Variants in GIN1 observed in about 807,000 individuals in gnomAD.
GIN1 encodes the protein gypsy retrotransposon integrase-like protein 1.
Under a neutral mutation model 51.4 loss-of-function variants are expected in GIN1, and 41 were observed. The ratio of observed to expected loss-of-function variants is 0.80; its 90% CI spans 0.62 to 1.04. The LOEUF (loss-of-function observed/expected upper bound fraction) is 1.04, where lower values mean the gene tolerates loss of function less well. GIN1 is among the 50% of genes least tolerant of loss of function. The pLI, the probability that GIN1 is intolerant of heterozygous loss-of-function variation, is 0.00. For synonymous variants in GIN1, 222 were observed against 206.5 expected (o/e 1.07, Z -0.64); for missense variants, 610 against 612.4 (o/e 1.00, Z 0.04).
At chr5:103,093,357 C>T (rs1787307580) in intron 7 of GIN1, among the ~76,000 whole-genome samples, 1 of 151,994 alleles carries the variant, frequency 6.6e-6, no homozygotes. Flanking sequence ...AGGACTCAAC[C>T]CACTATTGTT....
chr5:103,119,139 T>A (rs1403783110), intron 1 of GIN1, among the ~76,000 whole-genome samples: 1 of 152,184 alleles, frequency 6.6e-6, no homozygotes, highest in Non-Finnish European at 1.5e-5. Context: ...TTCAATAAAG[T>A]AAGGCAGTTA....
At chr5:103,096,497 C>T in intron 7 of GIN1, 44 bp downstream of exon 7, 1 of 1,357,672 alleles carries the variant, frequency 7.4e-7, no homozygotes. Context: ...AACTATTCTC[C>T]TTACCTAAAG....
Position 103,087,869 on chromosome 5 carries a change from C to A in GIN1, c.*29G>T, listed in dbSNP as rs782310658. 1.1e-6 allele frequency: 1 copy of A among 945,858 alleles called. No individual in the cohort carries two copies. Among genetic ancestry groups the A allele is most frequent in the Non-Finnish European group, 1.6e-6 (1 of 642,246 alleles). The allele number at this position is 945,858 out of a possible 1,614,324, so 58.6% of individuals were successfully genotyped here. A position where few individuals can be genotyped will look rare whatever the true frequency, so the allele number is the denominator to read the frequency against. ...TATCATTAAGAATTTATATTCTAAA[C>A]AAACAATTTAAATAAATTTTGGTAT... On this transcript the variant is annotated 3_prime_UTR_variant, in exon 8 of 8. Coordinates refer to ENST00000399004, the MANE Select transcript of GIN1 (RefSeq NM_017676.2).
chr5:103,099,980 T>C (rs1787523645), intron 4 of GIN1, among the ~76,000 whole-genome samples: 1 of 152,234 alleles, frequency 6.6e-6, no homozygotes, highest in Admixed American at 6.5e-5. Context: ...ATGCTTTCTG[T>C]GTAATAGTGA....
intron 1 of GIN1, among the ~76,000 whole-genome samples, chr5:103,109,688 A>C (rs570436516): frequency 6.6e-6 from 1 of 152,278 alleles, no homozygotes; most frequent in African/African-American, 2.4e-5. Context: ...TTATAAGACA[A>C]TCAGTTTGTT....
At chr5:103,114,898 A>C (rs1368346701) in intron 1 of GIN1, among the ~76,000 whole-genome samples, 8 of 152,178 alleles carry the variant, frequency 5.3e-5, no homozygotes, top group Admixed American at 5.2e-4. Flanking sequence ...AGAGAGGCTA[A>C]GTGATATAAG....
chr5:103,108,552 T>C lies in GIN1; in HGVS notation c.139+17A>G, dbSNP rs1787788821. On this transcript the variant is annotated intron_variant, in intron 2 of 7. Coordinates refer to ENST00000399004, the MANE Select transcript of GIN1 (RefSeq NM_017676.2). Reference sequence around the variant, plus strand: ...GAATCTACAACTCAATAATCAAAATTTGAACATTAATTTTACCTTTGAAGA... The same window carrying C: ...GAATCTACAACTCAATAATCAAAATCTGAACATTAATTTTACCTTTGAAGA... 9 of 1,545,708 alleles carry C rather than the reference T, an allele frequency of 5.8e-6. No individual in the cohort carries two copies. The highest frequency in any genetic ancestry group is 1.4e-5 in the African/African-American group (1 of 73,158).
chr5:103,117,754 T>G (rs924792435), intron 1 of GIN1, among the ~76,000 whole-genome samples: 1 of 152,088 alleles, frequency 6.6e-6, no homozygotes, highest in Non-Finnish European at 1.5e-5. Context: ...CTCACAGTAC[T>G]TCATGAAGTA....
chr5:103,115,047 T>C (rs1380548736), intron 1 of GIN1, among the ~76,000 whole-genome samples: 2 of 152,130 alleles, frequency 1.3e-5, no homozygotes, highest in Admixed American at 1.3e-4. Flanking sequence ...GGCTTAGCTA[T>C]AAAGGCAAGG....
chr5:103,119,342 A>G (rs1367935906), intron 1 of GIN1, among the ~76,000 whole-genome samples: 1 of 152,206 alleles, frequency 6.6e-6, no homozygotes, highest in Non-Finnish European at 1.5e-5. Context: ...ATGGACACGC[A>G]CAATTTTATG....
chr5:103,100,752 A>T (rs1787550069), intron 4 of GIN1, among the ~76,000 whole-genome samples: 1 of 152,132 alleles, frequency 6.6e-6, no homozygotes, highest in Non-Finnish European at 1.5e-5. Context: ...GACTTTAAAC[A>T]CGACTGGAAA....
chr5:103,104,885 T>C, intron 3 of GIN1, 39 bp from the exon 4 acceptor site: 1 of 1,188,650 alleles, frequency 8.4e-7, no homozygotes, highest in Non-Finnish European at 1.2e-6. Context: ...CATACAAATG[T>C]TAACACTCAA....
intron 2 of GIN1, 92 bp from the exon 3 acceptor site, chr5:103,107,001 G>T: frequency 3.0e-6 from 2 of 665,160 alleles, no homozygotes; most frequent in Non-Finnish European, 4.9e-6. Context: ...AACCATGAAG[G>T]TTTTTGTTTT....
At chr5:103,095,350 G>C (rs1200504898) in intron 7 of GIN1, among the ~76,000 whole-genome samples, 1 of 152,054 alleles carries the variant, frequency 6.6e-6, no homozygotes, top group Non-Finnish European at 1.5e-5. Context: ...AGGGTATCTT[G>C]ACTGTTCAGA....
In GIN1 at chr5:103,097,220, T is replaced by A. The variant is rs190509737; in HGVS notation, c.1008+94A>T. ...ATTATGGCAAGTAAGTATGTGTGTG[T>A]GTGTGCATGCACACATGTATATGCT... On this transcript the variant is annotated intron_variant, in intron 6 of 7. Coordinates refer to ENST00000399004, the MANE Select transcript of GIN1 (RefSeq NM_017676.2). 27 of 721,384 alleles carry A rather than the reference T, an allele frequency of 3.7e-5. 1 individual carries two copies. In the East Asian group the frequency reaches 7.1e-4, roughly 19 times the overall value. The allele number at this position is 721,384 out of a possible 1,614,324, so 44.7% of individuals were successfully genotyped here. A position where few individuals can be genotyped will look rare whatever the true frequency, so the allele number is the denominator to read the frequency against.
At chr5:103,099,866 C>G (rs1435227428) in intron 4 of GIN1, among the ~76,000 whole-genome samples, 3 of 152,152 alleles carry the variant, frequency 2.0e-5, no homozygotes, top group Non-Finnish European at 2.9e-5. Flanking sequence ...TTTTATTCAA[C>G]TATACAATAA....
intron 1 of GIN1, among the ~76,000 whole-genome samples, chr5:103,111,258 C>T (rs1210238544): frequency 6.6e-6 from 1 of 152,002 alleles, no homozygotes; most frequent in Admixed American, 6.6e-5. Flanking sequence ...ATAACACATT[C>T]TTTCAAGTCT....
chr5:103,119,234 AC>A (rs1350077135), intron 1 of GIN1, among the ~76,000 whole-genome samples: 1 of 152,200 alleles, frequency 6.6e-6, no homozygotes, highest in Non-Finnish European at 1.5e-5. Flanking sequence ...AGGTTATAAT[AC>A]CCGCTGGTTC....
At chr5:103,102,322 T>C (rs372377256) in intron 4 of GIN1, 12 of 152,212 alleles carry the variant, frequency 7.9e-5, no homozygotes, top group Admixed American at 3.9e-4. Context: ...ATTTAAACCA[T>C]TGTTACCAAA....
Sources: allele counts gnomAD v4.1 joint callset (sites outside exome capture counted in the v4.1 genomes callset), GRCh38; gene constraint gnomAD v4.1.1; transcripts MANE v1.5; gene names NCBI Gene and HGNC (gene_info 2026-07-23, HGNC 2026-07-21).